The following PDE12 variants were observed in gnomAD, a reference collection of about 807,000 sequenced individuals.
PDE12 encodes 2',5'-phosphodiesterase 12.
Under a neutral mutation model 45.4 loss-of-function variants are expected in PDE12, and 26 were observed. The ratio of observed to expected loss-of-function variants is 0.57; its 90% CI spans 0.42 to 0.79. The LOEUF (loss-of-function observed/expected upper bound fraction) is 0.79. Ranked by LOEUF, PDE12 falls within the 30% of genes least tolerant of loss-of-function variation. PDE12 has a pLI of 0.00. For synonymous variants in PDE12, 283 were observed against 323.9 expected, an observed-to-expected ratio of 0.87 and a Z score of 1.36; for missense variants, 668 against 790.0, an observed-to-expected ratio of 0.85 and a Z score of 1.85.
chr3:57,584,535 T>G, the PDE12 span: 4 of 1,350,870 alleles, frequency 3.0e-6, no homozygotes, highest in Non-Finnish European at 4.2e-6. Flanking sequence ...TACAATAAAT[T>G]TATAGTTCAA....
the PDE12 span, among the ~76,000 whole-genome samples, chr3:57,618,454 A>G: frequency 6.6e-6 from 1 of 151,826 alleles, no homozygotes; most frequent in African/African-American, 2.4e-5. Context: ...ACAGGGTCTC[A>G]CTCTGTTGCC....
chr3:57,561,862 T>C lies in PDE12; in HGVS notation c.*1858T>C. The C allele has an allele frequency of 1.0e-6, 1 of 985,364 alleles. No homozygotes were observed. The highest frequency in any genetic ancestry group is 5.2e-4 in the Middle Eastern group (1 of 1,914). The allele number at this position is 985,364 out of a possible 1,614,324, so 61.0% of individuals were successfully genotyped here. On this transcript the variant is annotated 3_prime_UTR_variant, in exon 3 of 3. Transcript: ENST00000311180. Reference sequence around the variant, plus strand: ...TTTATCTGCATTTGACATTGAACCTTGAAGTACTTTAAGTACTCCAAGGGG... The same window carrying C: ...TTTATCTGCATTTGACATTGAACCTCGAAGTACTTTAAGTACTCCAAGGGG...
At chr3:57,557,823 A>G (rs2069683591) in intron 1 of PDE12, 136 bp downstream of exon 1, 1 of 795,056 alleles carries the variant, frequency 1.3e-6, no homozygotes, top group African/African-American at 1.7e-5. Context: ...TTGTATCTTC[A>G]GCACAAAGTT....
chr3:57,628,894 A>G, the PDE12 span: 7 of 1,608,652 alleles, frequency 4.4e-6, no homozygotes, highest in South Asian at 6.7e-5. Context: ...TCCTAGAATA[A>G]ATAAAGTCCC....
At chr3:57,586,818 C>T in the PDE12 span, among the ~76,000 whole-genome samples, 2 of 152,122 alleles carry the variant, frequency 1.3e-5, no homozygotes, top group Non-Finnish European at 2.9e-5. Flanking sequence ...ACAACTGGAT[C>T]TTTAAATGGT....
At chr3:57,615,569 C>T in the PDE12 span, among the ~76,000 whole-genome samples, 2 of 151,632 alleles carry the variant, frequency 1.3e-5, no homozygotes, top group South Asian at 2.1e-4. Context: ...CTTGGGAGGC[C>T]GAGGCGGGTG....
At chr3:57,594,657 A>C in the PDE12 span, among the ~76,000 whole-genome samples, 1 of 152,236 alleles carries the variant, frequency 6.6e-6, no homozygotes, top group Admixed American at 6.5e-5. Flanking sequence ...GCTAACTGCT[A>C]TCTCCTTTAT....
chr3:57,573,818 G>C, the PDE12 span, among the ~76,000 whole-genome samples: 4 of 152,194 alleles, frequency 2.6e-5, no homozygotes. Flanking sequence ...CTGGTCTCAA[G>C]TGATCCGCCC....
chr3:57,562,244 T>G lies in PDE12; in HGVS notation c.*2240T>G. ...CATTAACACTGGCTAGATTAAACTC[T>G]AGTCAGAAAAACTCAGCACTTAACA... On this transcript the variant is annotated 3_prime_UTR_variant, in exon 3 of 3. Transcript: ENST00000311180. 3 of 373,082 alleles carry G rather than the reference T, an allele frequency of 8.0e-6. No homozygotes were observed. The highest frequency in any genetic ancestry group is 1.1e-5 in the Non-Finnish European group (3 of 270,302). The allele number at this position is 373,082 out of a possible 1,614,324, so 23.1% of individuals were successfully genotyped here. A position where few individuals can be genotyped will look rare whatever the true frequency, so the allele number is the denominator to read the frequency against.
In PDE12 at chr3:57,559,606, A is replaced by C; in HGVS notation, c.1432A>C (p.Ile478Leu). ...TCAAATGGCAGTAGCCTTGGCTCAC[A>C]TAAGACATGTTTCATGTGATCTGTA... Reference protein sequence around the residue: ...LIQMAVALAHIRHVSCDLYPG... With the variant: ...LIQMAVALAHLRHVSCDLYPG... The change falls in exon 3 of 3, where the codon ATA (isoleucine) becomes CTA (leucine). Residue 478 changes from isoleucine (I) to leucine (L), a missense_variant. Physicochemically the swap from Ile to Leu is conservative, Grantham distance 5. Transcript: ENST00000311180. The C allele has an allele frequency of 6.2e-7, 1 of 1,613,100 alleles. No homozygotes were observed. Among genetic ancestry groups the C allele is most frequent in the Non-Finnish European group, 8.5e-7 (1 of 1,179,084 alleles).
chr3:57,613,793 T>C, the PDE12 span, among the ~76,000 whole-genome samples: 2 of 146,524 alleles, frequency 1.4e-5, no homozygotes, highest in Non-Finnish European at 3.0e-5. Flanking sequence ...CCCAGCTACT[T>C]GGGAGGCTGA....
chr3:57,624,785 T>A, the PDE12 span, among the ~76,000 whole-genome samples: 2 of 151,566 alleles, frequency 1.3e-5, no homozygotes, highest in African/African-American at 2.4e-5. Flanking sequence ...AAGAATAATA[T>A]AATGTAGTTG....
the PDE12 span, among the ~76,000 whole-genome samples, chr3:57,590,094 A>T: frequency 1.3e-5 from 1 of 75,898 alleles, no homozygotes; most frequent in African/African-American, 5.4e-5. Context: ...TGTCTCAATA[A>T]ATAAATAAAT....
At chr3:57,586,573 C>G in the PDE12 span, among the ~76,000 whole-genome samples, 3 of 152,156 alleles carry the variant, frequency 2.0e-5, no homozygotes, top group Non-Finnish European at 4.4e-5. Context: ...CCACTTCGTA[C>G]TCGGATACAG....
chr3:57,586,812 C>A, the PDE12 span, among the ~76,000 whole-genome samples: 1 of 152,116 alleles, frequency 6.6e-6, no homozygotes, highest in Non-Finnish European at 1.5e-5. Flanking sequence ...CAAAAAACAA[C>A]TGGATCTTTA....
At chr3:57,619,279 C>T in the PDE12 span, among the ~76,000 whole-genome samples, 426 of 151,988 alleles carry the variant, frequency 2.8e-3, no homozygotes, top group Non-Finnish European at 4.4e-3. Flanking sequence ...ACCCAGGAGG[C>T]GGAGGTTGCA....
At chr3:57,613,135 C>T in the PDE12 span, among the ~76,000 whole-genome samples, 1,516 of 151,254 alleles carry the variant, frequency 0.01, 29 homozygotes, top group African/African-American at 0.034. Context: ...CGCCTGCGAC[C>T]GCGTCTGGCT....
chr3:57,618,161 T>C, the PDE12 span, among the ~76,000 whole-genome samples: 4 of 151,992 alleles, frequency 2.6e-5, no homozygotes. Context: ...GAGGCAACAG[T>C]TGAAAAAATA....
the PDE12 span, chr3:57,630,307 GTCA>G: frequency 1.9e-5 from 17 of 906,268 alleles, no homozygotes; most frequent in African/African-American, 1.4e-4. Context: ...AGAAAAGTTA[GTCA>G]TCATTACTAT....
Sources: allele counts gnomAD v4.1 joint callset (sites outside exome capture counted in the v4.1 genomes callset), GRCh38; gene constraint gnomAD v4.1.1; transcripts MANE v1.5; gene names NCBI Gene and HGNC (gene_info 2026-07-23, HGNC 2026-07-21).